Variants in RNF38 observed in about 807,000 individuals in gnomAD.
RNF38 encodes E3 ubiquitin-protein ligase RNF38.
RNF38 carries 15 observed loss-of-function variants against 67.2 expected under a neutral mutation model. The observed-to-expected ratio is 0.22, with a 90% CI of 0.15 to 0.34. The LOEUF (loss-of-function observed/expected upper bound fraction) is 0.34. Ranked by LOEUF, RNF38 falls within the 10% of genes least tolerant of loss-of-function variation. The pLI, the probability that RNF38 is intolerant of heterozygous loss-of-function variation, is 1.00. For synonymous variants in RNF38, 220 were observed against 218.8 expected (o/e 1.01, Z -0.05); for missense variants, 524 against 639.9 (o/e 0.82, Z 1.95).
At chr9:36,350,853 T>C (rs1439986809) in intron 9 of RNF38, among the ~76,000 whole-genome samples, 1 of 152,218 alleles carries the variant, frequency 6.6e-6, no homozygotes. Context: ...ATGGCTTGCA[T>C]GTGACCCAGG....
At chr9:36,366,528 T>C (rs1213417404) in intron 4 of RNF38, among the ~76,000 whole-genome samples, 1 of 152,240 alleles carries the variant, frequency 6.6e-6, no homozygotes, top group Non-Finnish European at 1.5e-5. Context: ...ATCTGTTCAA[T>C]TCTTAGTTCT....
intron 2 of RNF38, among the ~76,000 whole-genome samples, chr9:36,390,202 A>C (rs1836970500): frequency 6.6e-6 from 1 of 152,210 alleles, no homozygotes; most frequent in Non-Finnish European, 1.5e-5. Flanking sequence ...TTGACCTATT[A>C]GGACAAGTGA....
At chr9:36,459,454 T>G (rs1241156946) in intron 1 of RNF38, among the ~76,000 whole-genome samples, 1 of 152,238 alleles carries the variant, frequency 6.6e-6, no homozygotes, top group Non-Finnish European at 1.5e-5. Context: ...ACATTAGGGA[T>G]AGGGCATTGC....
chr9:36,417,192 C>T (rs1369455006), intron 2 of RNF38, among the ~76,000 whole-genome samples: 1 of 152,178 alleles, frequency 6.6e-6, no homozygotes, highest in Non-Finnish European at 1.5e-5. Flanking sequence ...AGACTTTCCC[C>T]CTCTTCACTT....
chr9:36,442,242 C>CT (rs1216738353), intron 1 of RNF38, among the ~76,000 whole-genome samples: 1 of 152,224 alleles, frequency 6.6e-6, no homozygotes, highest in African/African-American at 2.4e-5. Flanking sequence ...CTTTAAAACT[C>CT]TACCTCAATT....
At chr9:36,468,285 T>C (rs938729877) in intron 1 of RNF38, among the ~76,000 whole-genome samples, 1 of 149,262 alleles carries the variant, frequency 6.7e-6, no homozygotes, top group Non-Finnish European at 1.5e-5. Flanking sequence ...CTTCTAGAAG[T>C]GCCAAAGAAG....
intron 1 of RNF38, among the ~76,000 whole-genome samples, chr9:36,444,400 C>G (rs1308071097): frequency 2.6e-5 from 4 of 152,156 alleles, no homozygotes; most frequent in African/African-American, 9.7e-5. Flanking sequence ...TGCAAACCAC[C>G]ATGTCACACG....
chr9:36,353,917 C>T (rs1226091773), intron 6 of RNF38, among the ~76,000 whole-genome samples: 3 of 152,130 alleles, frequency 2.0e-5, no homozygotes, highest in Non-Finnish European at 4.4e-5. Context: ...ATGCTCAGAG[C>T]CTACTTCAAA....
chr9:36,467,493 C>T (rs1839891131), intron 1 of RNF38, among the ~76,000 whole-genome samples: 1 of 151,974 alleles, frequency 6.6e-6, no homozygotes, highest in Admixed American at 6.6e-5. Flanking sequence ...AGAGCCTAGC[C>T]CTCTGTGGGC....
At chr9:36,441,079 C>A (rs924011211) in intron 1 of RNF38, among the ~76,000 whole-genome samples, 2 of 151,972 alleles carry the variant, frequency 1.3e-5, no homozygotes, top group African/African-American at 4.8e-5. Context: ...AGAGTCGGGT[C>A]CTGGGAGGAA....
At chr9:36,393,853 G>A (rs1468860717) in intron 1 of RNF38, among the ~76,000 whole-genome samples, 1 of 152,142 alleles carries the variant, frequency 6.6e-6, no homozygotes, top group Non-Finnish European at 1.5e-5. Context: ...CCATGTGGCA[G>A]GGGCTTGAGG....
intron 1 of RNF38, among the ~76,000 whole-genome samples, chr9:36,391,604 G>A (rs1437808099): frequency 3.4e-5 from 5 of 146,114 alleles, no homozygotes; most frequent in South Asian, 2.1e-4. Flanking sequence ...CAAAGGCATC[G>A]TTTCCTACTT....
upstream of RNF38, among the ~76,000 whole-genome samples, chr9:36,401,843 A>AC (rs1356714521): frequency 6.6e-6 from 1 of 152,146 alleles, no homozygotes; most frequent in East Asian, 1.9e-4. Flanking sequence ...ATTATTAAGG[A>AC]CCAGTCAACA....
At chr9:36,368,986 G>C (rs1835174038) in intron 4 of RNF38, among the ~76,000 whole-genome samples, 1 of 151,980 alleles carries the variant, frequency 6.6e-6, no homozygotes, top group South Asian at 2.1e-4. Flanking sequence ...TCCTCAGCTG[G>C]TCCCTCAGTT....
At chr9:36,394,230 G>A (rs528251858) in intron 1 of RNF38, among the ~76,000 whole-genome samples, 67 of 151,804 alleles carry the variant, frequency 4.4e-4, no homozygotes, top group African/African-American at 1.5e-3. Flanking sequence ...AGCCAAGATC[G>A]TGCCACTGCA....
At chr9:36,446,810 GAAAAAAAAAAAAAA>G (rs60691553) in intron 1 of RNF38, among the ~76,000 whole-genome samples, 26 of 28,214 alleles carry the variant, frequency 9.2e-4, no homozygotes, top group East Asian at 7.2e-3. Flanking sequence ...TCCGCCTCAA[GAAAAAAAAAAAAAA>G]AAAAAAAAAA....
rs964791669 is a variant in RNF38 at position 36,397,765 on chromosome 9, A to T, written c.12+2332T>A. ...ATAAAGGGTAGGAAAAATAAGAGTT[A>T]CATATTTTAAATAAACTTTTCTTTC... On this transcript the variant is annotated intron_variant, in intron 1 of 11. Transcript: ENST00000259605. Among the ~76,000 whole-genome samples, 6 of 151,768 alleles carry T rather than the reference A, an allele frequency of 4.0e-5. No individual in the cohort carries two copies. The East Asian group carries it at 7.8e-4, about 20-fold the overall frequency.
chr9:36,358,104 G>T (rs1834263050), intron 4 of RNF38, among the ~76,000 whole-genome samples, 162 bp from the exon 5 acceptor site: 1 of 152,232 alleles, frequency 6.6e-6, no homozygotes, highest in East Asian at 1.9e-4. Flanking sequence ...TCTTTGTAGG[G>T]GAGAGTTGAC....
chr9:36,377,625 A>C lies in RNF38; in HGVS notation c.163-1498T>G, dbSNP rs115578436. On this transcript the variant is annotated intron_variant, in intron 2 of 11. Coordinates refer to ENST00000259605, the MANE Select transcript of RNF38 (RefSeq NM_022781.5). The stretch of plus-strand genomic sequence containing the variant: ...ATTTTCTCCCTAGATTTAACTGTAC[A>C]GTCGTCCCTCAGTATTCTAGGGAGT... Among the ~76,000 whole-genome samples, 976 of 152,310 alleles carry C rather than the reference A, an allele frequency of 6.4e-3. 9 individuals carry two copies. Among genetic ancestry groups the C allele is most frequent in the African/African-American group, 0.022 (911 of 41,572 alleles).
Sources: gnomAD v4.1 joint callset for allele counts (sites outside exome capture counted in the v4.1 genomes callset) on GRCh38, gnomAD v4.1.1 for gene constraint, MANE v1.5 for transcripts, NCBI Gene and HGNC (gene_info 2026-07-23, HGNC 2026-07-21) for gene names.